SVIL: variants seen among roughly 807,000 people sequenced by gnomAD.
SVIL encodes the protein archvillin.
SVIL carries 101 observed loss-of-function variants against 240.4 expected under a neutral mutation model. The observed-to-expected ratio is 0.42, with a 90% CI of 0.36 to 0.50. The LOEUF (loss-of-function observed/expected upper bound fraction) is 0.50, where lower values mean the gene tolerates loss of function less well. SVIL is among the 20% of genes least tolerant of loss of function. The probability of loss-of-function intolerance (pLI) is 0.01; values close to 1 mark genes in which losing one functional copy is unlikely to be tolerated. For synonymous variants in SVIL, 999 were observed against 1,100.0 expected (o/e 0.91, Z 1.82); for missense variants, 2,512 against 2,818.7 (o/e 0.89, Z 2.46).
At chr10:29,521,189 C>T (rs1456439219) in intron 16 of SVIL, among the ~76,000 whole-genome samples, 1 of 146,632 alleles carries the variant, frequency 6.8e-6, no homozygotes, top group Non-Finnish European at 1.5e-5. Context: ...TCCCATTGCA[C>T]TCCAGCCTGG....
intron 1 of SVIL, among the ~76,000 whole-genome samples, chr10:29,714,681 C>T (rs751533430): frequency 2.6e-5 from 4 of 151,966 alleles, no homozygotes; most frequent in African/African-American, 9.7e-5. Context: ...AAGGCTTGGC[C>T]GGGCGTGGTG....
At chr10:29,500,597 T>A (rs11813118) in intron 17 of SVIL, among the ~76,000 whole-genome samples, 1 of 152,094 alleles carries the variant, frequency 6.6e-6, no homozygotes, top group Non-Finnish European at 1.5e-5. Flanking sequence ...TTCTAGGAGG[T>A]TCCCCAGATT....
intron 2 of SVIL, among the ~76,000 whole-genome samples, chr10:29,675,837 C>T (rs1960161637): frequency 6.6e-6 from 1 of 152,206 alleles, no homozygotes; most frequent in Non-Finnish European, 1.5e-5. Flanking sequence ...GCCCATAGAA[C>T]TGATGTTTAT....
chr10:29,691,357 G>A (rs1212702286), intron 1 of SVIL, among the ~76,000 whole-genome samples: 4 of 151,778 alleles, frequency 2.6e-5, no homozygotes, highest in African/African-American at 7.3e-5. Flanking sequence ...GACTACAGGC[G>A]CCCACCACCA....
intron 21 of SVIL, among the ~76,000 whole-genome samples, chr10:29,492,476 G>C (rs1300847496): frequency 2.6e-5 from 4 of 152,016 alleles, no homozygotes; most frequent in African/African-American, 7.2e-5. Flanking sequence ...CATCTGCACT[G>C]TTCAGCGCGT....
At chr10:29,564,671 A>G (rs926704433) in intron 2 of SVIL, among the ~76,000 whole-genome samples, 3 of 152,328 alleles carry the variant, frequency 2.0e-5, no homozygotes, top group East Asian at 1.9e-4. Context: ...TCCAAAGCAC[A>G]GCCACCATCC....
At position 29,556,809 on chromosome 10, in the gene SVIL, G is replaced by A. The variant is rs527268948; in HGVS notation, c.-50-1701C>T. ...AAATTAGCCCTAGTGGGATTATGGT[G>A]ATACAACTTTAATGGCTGGTAGGAC... On this transcript the variant is annotated intron_variant, in intron 3 of 37. Transcript: ENST00000355867. Among the ~76,000 whole-genome samples, 3 of 152,248 alleles carry A rather than the reference G, an allele frequency of 2.0e-5. No individual in the cohort carries two copies. The East Asian group carries it at 5.8e-4, about 29-fold the overall frequency.
At chr10:29,629,542 A>G (rs1051328957) in intron 1 of SVIL, among the ~76,000 whole-genome samples, 2 of 152,158 alleles carry the variant, frequency 1.3e-5, no homozygotes, top group Non-Finnish European at 2.9e-5. Context: ...GAATACAGGC[A>G]CTGAAGTCAA....
At chr10:29,464,763 G>A (rs6481593) in intron 34 of SVIL, among the ~76,000 whole-genome samples, 69,474 of 151,540 alleles carry the variant, frequency 0.46, 17,089 homozygotes, top group African/African-American at 0.62. Context: ...CTGAGATCCC[G>A]GTGCAAGATG....
At chr10:29,713,303 G>A (rs993700275) in intron 1 of SVIL, among the ~76,000 whole-genome samples, 6 of 151,228 alleles carry the variant, frequency 4.0e-5, no homozygotes, top group African/African-American at 1.5e-4. Flanking sequence ...TGTGAACGTG[G>A]TCTATCAAAC....
chr10:29,497,561 A>C (rs980268406), intron 18 of SVIL, among the ~76,000 whole-genome samples: 2 of 152,226 alleles, frequency 1.3e-5, no homozygotes, highest in African/African-American at 4.8e-5. Flanking sequence ...CCAAGAGCTC[A>C]GCAGCAGAAG....
At chr10:29,619,256 G>A (rs1309317841) in intron 1 of SVIL, among the ~76,000 whole-genome samples, 3 of 152,202 alleles carry the variant, frequency 2.0e-5, no homozygotes, top group African/African-American at 7.2e-5. Flanking sequence ...CAGTCCCAGA[G>A]AAGAAATATT....
At chr10:29,505,347 A>T (rs1407191633) in intron 17 of SVIL, among the ~76,000 whole-genome samples, 1 of 152,010 alleles carries the variant, frequency 6.6e-6, no homozygotes, top group Non-Finnish European at 1.5e-5. Context: ...TAATAATCAT[A>T]ATAATTTAAA....
intron 5 of SVIL, among the ~76,000 whole-genome samples, chr10:29,554,106 G>A (rs186017555): frequency 3.9e-4 from 60 of 152,312 alleles, no homozygotes; most frequent in African/African-American, 1.4e-3. Flanking sequence ...GGCCAGATCC[G>A]TGAGGCGGGG....
intron 3 of SVIL, among the ~76,000 whole-genome samples, chr10:29,558,665 G>T (rs1437160274): frequency 6.6e-6 from 1 of 151,498 alleles, no homozygotes; most frequent in Non-Finnish European, 1.5e-5. Flanking sequence ...GGTGGCTCCT[G>T]CCTGTAATCC....
upstream of SVIL, among the ~76,000 whole-genome samples, chr10:29,639,096 C>T (rs1370021487): frequency 6.6e-6 from 1 of 152,086 alleles, no homozygotes; most frequent in East Asian, 1.9e-4. Flanking sequence ...CACTGGTCTT[C>T]CAATGTGAAT....
chr10:29,481,976 G>A (rs1445786286), intron 27 of SVIL, among the ~76,000 whole-genome samples: 1 of 149,856 alleles, frequency 6.7e-6, no homozygotes, highest in Non-Finnish European at 1.5e-5. Context: ...CATGAACCAT[G>A]TCAGGACTAG....
At chr10:29,542,156 T>C (rs962084645) in intron 6 of SVIL, among the ~76,000 whole-genome samples, 6 of 152,246 alleles carry the variant, frequency 3.9e-5, no homozygotes, top group African/African-American at 1.4e-4. Context: ...GTCTCATAGT[T>C]GTGTGCTGAT....
At chr10:29,518,156 G>A (rs1950334712) in intron 16 of SVIL, among the ~76,000 whole-genome samples, 1 of 152,220 alleles carries the variant, frequency 6.6e-6, no homozygotes, top group Non-Finnish European at 1.5e-5. Context: ...GGGAGGCCTA[G>A]ACGGGTGGAT....
Sources: allele counts gnomAD v4.1 joint callset (sites outside exome capture counted in the v4.1 genomes callset), GRCh38; gene constraint gnomAD v4.1.1; transcripts MANE v1.5; gene names NCBI Gene and HGNC (gene_info 2026-07-23, HGNC 2026-07-21).